The following KAZN variants were observed in gnomAD, a reference collection of about 807,000 sequenced individuals.
KAZN encodes the protein kazrin.
Under a neutral mutation model 87.4 loss-of-function variants are expected in KAZN, and 40 were observed. The observed-to-expected ratio is 0.46, with a 90% CI of 0.36 to 0.60. The LOEUF is 0.60. Ranked by LOEUF, KAZN falls within the 20% of genes least tolerant of loss-of-function variation. KAZN has a pLI of 0.00. For synonymous variants in KAZN, 466 were observed against 458.3 expected (o/e 1.02, Z -0.22); for missense variants, 898 against 1,073.9 (o/e 0.84, Z 2.29).
chr1:14,153,238 T>C (rs1320393035), intron 1 of KAZN, among the ~76,000 whole-genome samples: 3 of 152,228 alleles, frequency 2.0e-5, no homozygotes, highest in African/African-American at 7.2e-5. Context: ...TGGCTGCCTA[T>C]GCTTGTGGGG....
chr1:14,553,001 G>T (rs577226089), intron 2 of KAZN, among the ~76,000 whole-genome samples: 5 of 152,194 alleles, frequency 3.3e-5, no homozygotes, highest in African/African-American at 1.2e-4. Context: ...ACAATTAGCC[G>T]TGCCCATCAG....
intron 2 of KAZN, among the ~76,000 whole-genome samples, chr1:14,494,009 T>C (rs1290988845): frequency 1.3e-5 from 2 of 152,200 alleles, no homozygotes; most frequent in African/African-American, 4.8e-5. Context: ...CCTTGGGCCA[T>C]GTCTTCTGGC....
intron 1 of KAZN, among the ~76,000 whole-genome samples, chr1:14,602,970 C>T (rs1009299968): frequency 4.6e-5 from 7 of 152,174 alleles, no homozygotes; most frequent in Non-Finnish European, 1.0e-4. Context: ...TTGTACATTT[C>T]CATAAATGCG....
intron 2 of KAZN, among the ~76,000 whole-genome samples, chr1:14,566,093 T>C (rs931913418): frequency 6.6e-6 from 1 of 152,242 alleles, no homozygotes; most frequent in African/African-American, 2.4e-5. Context: ...GGAATTACTA[T>C]CTGTGGCATC....
intron 2 of KAZN, among the ~76,000 whole-genome samples, chr1:14,593,392 G>A (rs1676316289): frequency 6.6e-6 from 1 of 152,192 alleles, no homozygotes; most frequent in South Asian, 2.1e-4. Flanking sequence ...GCCTTCCTGA[G>A]GCTCACGGTC....
At chr1:14,578,344 G>T (rs1266408078) in intron 2 of KAZN, among the ~76,000 whole-genome samples, 1 of 152,064 alleles carries the variant, frequency 6.6e-6, no homozygotes, top group Non-Finnish European at 1.5e-5. Flanking sequence ...TGTTAAAGGA[G>T]CCCGTGATAT....
rs113810090 is a variant in KAZN at position 14,214,357 on chromosome 1, A to G, written c.249+33765A>G. Among the ~76,000 whole-genome samples, 545 of 152,250 alleles carry G rather than the reference A, an allele frequency of 3.6e-3. 3 individuals are homozygous for G. Among genetic ancestry groups the G allele is most frequent in the African/African-American group, 0.012 (511 of 41,550 alleles). On this transcript the variant is annotated intron_variant, in intron 2 of 16. Coordinates refer to the KAZN transcript ENST00000636203. ...TGCCAGTGGGGGCTGTGTTGGTTTTATGCACTGCTTTACTCAGCACCACAA... is the reference window on the plus strand; with the variant it reads ...TGCCAGTGGGGGCTGTGTTGGTTTTGTGCACTGCTTTACTCAGCACCACAA...
At chr1:14,076,591 C>G (rs564677278) in intron 1 of KAZN, among the ~76,000 whole-genome samples, 11 of 152,288 alleles carry the variant, frequency 7.2e-5, no homozygotes, top group African/African-American at 2.6e-4. Flanking sequence ...GTTCACATTT[C>G]TAGTTGTGAC....
At chr1:14,912,582 T>G (rs1468779886) in intron 1 of KAZN, among the ~76,000 whole-genome samples, 1 of 152,172 alleles carries the variant, frequency 6.6e-6, no homozygotes, top group Non-Finnish European at 1.5e-5. Flanking sequence ...GGTTTCACCA[T>G]GTTGCCCAGG....
At chr1:14,309,331 G>A (rs926670157) in intron 2 of KAZN, among the ~76,000 whole-genome samples, 2 of 152,178 alleles carry the variant, frequency 1.3e-5, no homozygotes, top group African/African-American at 4.8e-5. Context: ...CTAGGTATAA[G>A]GCACCACACA....
chr1:14,533,663 G>GC (rs1672331321), intron 2 of KAZN, among the ~76,000 whole-genome samples: 1 of 151,916 alleles, frequency 6.6e-6, no homozygotes, highest in Non-Finnish European at 1.5e-5. Context: ...CTCCTTGCTT[G>GC]CCCCCCACCC....
chr1:14,742,181 G>C (rs1366061137), intron 1 of KAZN, among the ~76,000 whole-genome samples: 2 of 152,178 alleles, frequency 1.3e-5, no homozygotes, highest in African/African-American at 4.8e-5. Flanking sequence ...GTCAGCTCCA[G>C]GAAAGCAGTG....
At chr1:15,027,231 G>A (rs1036442091) in intron 2 of KAZN, among the ~76,000 whole-genome samples, 7 of 151,864 alleles carry the variant, frequency 4.6e-5, no homozygotes, top group African/African-American at 1.2e-4. Flanking sequence ...ACAGGCGCCC[G>A]CACCACTCCC....
At chr1:14,454,153 G>C (rs1289935999) in intron 2 of KAZN, among the ~76,000 whole-genome samples, 1 of 152,182 alleles carries the variant, frequency 6.6e-6, no homozygotes, top group East Asian at 1.9e-4. Context: ...TGTGCAGCAA[G>C]GAGCTAGGAG....
intron 1 of KAZN, among the ~76,000 whole-genome samples, chr1:14,885,326 G>T (rs1420166416): frequency 6.6e-6 from 1 of 151,858 alleles, no homozygotes; most frequent in Non-Finnish European, 1.5e-5. Flanking sequence ...TCTGCCTGCT[G>T]AACATTGCAG....
In KAZN at chr1:15,017,247, G is replaced by A. The variant is rs551413895; in HGVS notation, c.419-17502G>A. 8.6e-5 allele frequency among the ~76,000 whole-genome samples: 13 copies of A among 151,344 alleles called. No homozygotes were observed. The East Asian group carries it at 1.4e-3, about 16-fold the overall frequency. On this transcript the variant is annotated intron_variant, in intron 2 of 14. Transcript: ENST00000376030. ...CAGGAGACAGAGGTTACAGTGAGCC[G>A]AGATCACACCACTGCACTCCAGCTT...
intron 1 of KAZN, among the ~76,000 whole-genome samples, chr1:14,090,223 T>C (rs1444210566): frequency 6.6e-6 from 1 of 152,200 alleles, no homozygotes; most frequent in Non-Finnish European, 1.5e-5. Flanking sequence ...CATCCCCCTC[T>C]GGCTTTTCTG....
intron 1 of KAZN, among the ~76,000 whole-genome samples, chr1:14,825,446 C>T (rs544026533): frequency 1.3e-5 from 2 of 152,272 alleles, no homozygotes; most frequent in Admixed American, 6.5e-5. Context: ...CTGCTTGCCG[C>T]GGGCCTGAAA....
At chr1:14,445,030 CTTT>C (rs34113310) in intron 2 of KAZN, among the ~76,000 whole-genome samples, 1 of 146,098 alleles carries the variant, frequency 6.8e-6, no homozygotes, top group Non-Finnish European at 1.5e-5. Flanking sequence ...AACCCGTGTG[CTTT>C]TTTTTTTTTT....
Sources: allele counts gnomAD v4.1 joint callset (sites outside exome capture counted in the v4.1 genomes callset), GRCh38; gene constraint gnomAD v4.1.1; transcripts MANE v1.5; gene names NCBI Gene and HGNC (gene_info 2026-07-23, HGNC 2026-07-21).